SLCO1B1: variants seen among roughly 807,000 people sequenced by gnomAD.
SLCO1B1 encodes the protein OATP-2.
In SLCO1B1, 81 loss-of-function variants were observed where a neutral mutation model predicts 70.1. That is an observed-to-expected ratio of 1.16 (90% CI 0.97 to 1.39). The LOEUF is 1.39. Among genes scored for constraint, SLCO1B1 ranks in the 40% most tolerant of loss-of-function variants. SLCO1B1 has a pLI of 0.00. For missense variants in SLCO1B1, 895 were observed against 799.6 expected, an observed-to-expected ratio of 1.12 and a Z score of -1.44; for synonymous variants, 283 against 271.5, an observed-to-expected ratio of 1.04 and a Z score of -0.42.
intron 1 of SLCO1B1, among the ~76,000 whole-genome samples, chr12:21,137,070 G>T (rs1470444882): frequency 6.6e-6 from 1 of 152,164 alleles, no homozygotes; most frequent in African/African-American, 2.4e-5. Flanking sequence ...TCAGCTGCAG[G>T]TCTGTTAGAG....
At position 21,200,563 on chromosome 12, in the gene SLCO1B1, G is replaced by A. The variant is rs1184135999; in HGVS notation, c.1026G>A (p.Val342=). The change falls in exon 9 of 15, where the codon GTG becomes GTA. Residue 342 remains valine (V), a synonymous_variant. Coordinates refer to ENST00000256958, the MANE Select transcript of SLCO1B1 (RefSeq NM_006446.5). ...ILTNPLYVMF[V]LLTLLQVSSY... ...CTAATCCCCTGTATGTTATGTTTGT[G>A]CTTTTGACGTTGTTACAAGTAAGCA... 6.8e-6 allele frequency: 11 copies of A among 1,606,570 alleles called. No homozygotes were observed. Among genetic ancestry groups the A allele is most frequent in the Admixed American group, 1.7e-5 (1 of 59,520 alleles).
At chr12:21,174,480 C>A in intron 3 of SLCO1B1, 97 bp from the exon 4 acceptor site, 1 of 1,151,536 alleles carries the variant, frequency 8.7e-7, no homozygotes, top group East Asian at 2.5e-5. Context: ...AGGGAAGGCA[C>A]TATGTCTTGG....
At chr12:21,152,838 C>G (rs976775650) in intron 2 of SLCO1B1, among the ~76,000 whole-genome samples, 2 of 152,078 alleles carry the variant, frequency 1.3e-5, no homozygotes, top group African/African-American at 2.4e-5. Context: ...TCTCCTCATG[C>G]TACTGAAAGA....
chr12:21,204,941 T>G (rs1941197844), intron 10 of SLCO1B1, among the ~76,000 whole-genome samples: 2 of 151,836 alleles, frequency 1.3e-5, no homozygotes, highest in African/African-American at 2.4e-5. Context: ...TAGTTTTCAA[T>G]CTATGAATTT....
chr12:21,239,184 T>C lies in SLCO1B1; in HGVS notation c.2071T>C (p.Cys691Arg). 1 of 1,609,536 alleles carries C rather than the reference T, an allele frequency of 6.2e-7. No individual in the cohort carries two copies. The highest frequency in any genetic ancestry group is 8.5e-7 in the Non-Finnish European group (1 of 1,176,098). The change falls in exon 15 of 15, where the codon TGT (cysteine) becomes CGT (arginine). Residue 691 changes from cysteine to arginine, a missense_variant. Transcript: ENST00000256958. The part of the protein sequence containing the change: ...PSAGADSETH[C>R] ...TGCTGGGGCAGATAGTGAAACACAT[T>C]GTTAAGGGGAGAAAAAAAGCCACTT...
intron 2 of SLCO1B1, chr12:21,164,862 T>G (rs1173385248): frequency 1.4e-5 from 7 of 484,218 alleles, no homozygotes; most frequent in Admixed American, 4.4e-5. Flanking sequence ...CATTACAAAC[T>G]TATGGCAATT....
At chr12:21,211,062 T>C (rs887901115) in intron 11 of SLCO1B1, among the ~76,000 whole-genome samples, 41 of 152,224 alleles carry the variant, frequency 2.7e-4, no homozygotes, top group Non-Finnish European at 4.1e-4. Context: ...TTCCTTCTCC[T>C]GCCTAATTGC....
intron 4 of SLCO1B1, among the ~76,000 whole-genome samples, 154 bp downstream of exon 4, chr12:21,174,863 C>A (rs952815153): frequency 6.6e-6 from 1 of 152,130 alleles, no homozygotes; most frequent in African/African-American, 2.4e-5. Flanking sequence ...TATTTGTCTA[C>A]ATAATCATTT....
At chr12:21,178,762 C>T in intron 6 of SLCO1B1, 40 bp downstream of exon 6, 1 of 1,553,840 alleles carries the variant, frequency 6.4e-7, no homozygotes, top group Non-Finnish European at 8.9e-7. Context: ...ATCACTTTCC[C>T]TTTGTCTACT....
At position 21,134,087 on chromosome 12, in the gene SLCO1B1, T is replaced by C. The variant is rs1416739383; in HGVS notation, c.-62+2851T>C. 3.9e-5 allele frequency among the ~76,000 whole-genome samples: 6 copies of C among 152,220 alleles called. No individual in the cohort carries two copies. The East Asian group carries it at 1.2e-3, about 29-fold the overall frequency. ...AAGGCCTTTTCTGCATCTATTGAGA[T>C]GATCATGTAGTTTTTGTCTTTGGTT... On this transcript the variant is annotated intron_variant, in intron 1 of 14. Coordinates refer to ENST00000256958, the MANE Select transcript of SLCO1B1 (RefSeq NM_006446.5).
At chr12:21,187,350 A>G (rs1411125870) in intron 7 of SLCO1B1, among the ~76,000 whole-genome samples, 1 of 151,950 alleles carries the variant, frequency 6.6e-6, no homozygotes, top group African/African-American at 2.4e-5. Context: ...AATTGTTTCC[A>G]TCAATGCCTT....
chr12:21,181,752 C>G (rs1414079933), intron 7 of SLCO1B1, among the ~76,000 whole-genome samples: 1 of 151,938 alleles, frequency 6.6e-6, no homozygotes, highest in African/African-American at 2.4e-5. Context: ...TTAAATTATG[C>G]TCGTCCACTT....
intron 7 of SLCO1B1, among the ~76,000 whole-genome samples, chr12:21,195,779 A>G (rs7486079): frequency 0.01 from 1,544 of 152,118 alleles, 35 homozygotes; most frequent in South Asian, 0.039. Context: ...TGCCTTCTTT[A>G]TTTTCCGTAG....
chr12:21,168,680 A>G (rs1471388096), intron 2 of SLCO1B1, among the ~76,000 whole-genome samples: 2 of 152,254 alleles, frequency 1.3e-5, no homozygotes, highest in East Asian at 1.9e-4. Context: ...CTCTTTGTAT[A>G]TCTTCTTTGC....
chr12:21,156,357 A>C (rs1940542752), intron 2 of SLCO1B1, among the ~76,000 whole-genome samples: 1 of 152,166 alleles, frequency 6.6e-6, no homozygotes, highest in African/African-American at 2.4e-5. Context: ...AAGAACCTTA[A>C]AATTTGTAAG....
chr12:21,149,641 A>T (rs1309105849), intron 2 of SLCO1B1, among the ~76,000 whole-genome samples: 1 of 152,078 alleles, frequency 6.6e-6, no homozygotes, highest in Non-Finnish European at 1.5e-5. Flanking sequence ...GCCACGAGGG[A>T]CTGTGCCCTG....
At chr12:21,132,757 A>G (rs1235225740) in intron 1 of SLCO1B1, among the ~76,000 whole-genome samples, 2 of 152,132 alleles carry the variant, frequency 1.3e-5, no homozygotes, top group Admixed American at 1.3e-4. Context: ...AGTAGGTTGC[A>G]AAAATTTTCT....
chr12:21,136,193 G>A (rs1940219061), intron 1 of SLCO1B1, among the ~76,000 whole-genome samples: 4 of 152,176 alleles, frequency 2.6e-5, no homozygotes, highest in Admixed American at 2.6e-4. Flanking sequence ...TTTCTGCCGA[G>A]AGATCAGCTG....
Position 21,178,951 on chromosome 12 carries a change from C to G in SLCO1B1, c.658C>G (p.Pro220Ala). 1 of 1,611,646 alleles carries G rather than the reference C, an allele frequency of 6.2e-7. No homozygotes were observed. Among genetic ancestry groups the G allele is most frequent in the Non-Finnish European group, 8.5e-7 (1 of 1,178,380 alleles). Reference protein sequence around the residue: ...GILNAIAMIGPIIGFTLGSLF... With the variant: ...GILNAIAMIGAIIGFTLGSLF... ...ATTGAATGCAATAGCAATGATTGGT[C>G]CAATCATTGGCTTTACCCTGGGATC... The change falls in exon 7 of 15, where the codon CCA (proline) becomes GCA (alanine). Residue 220 changes from proline (P) to alanine (A), a missense_variant. Pro to Ala is a conservative substitution (Grantham distance 27, BLOSUM62 -1). Coordinates refer to ENST00000256958, the MANE Select transcript of SLCO1B1 (RefSeq NM_006446.5).
Sources: allele counts gnomAD v4.1 joint callset (sites outside exome capture counted in the v4.1 genomes callset), GRCh38; gene constraint gnomAD v4.1.1; transcripts MANE v1.5; gene names NCBI Gene and HGNC (gene_info 2026-07-23, HGNC 2026-07-21).